Variants in BCAT1 observed in about 807,000 individuals in gnomAD.
BCAT1 encodes the protein branched-chain-amino-acid aminotransferase, cytosolic.
Under a neutral mutation model 52.4 loss-of-function variants are expected in BCAT1, and 48 were observed. The ratio of observed to expected loss-of-function variants is 0.92; its 90% CI spans 0.73 to 1.16. BCAT1 has a LOEUF of 1.16. BCAT1 is among the 50% of genes most tolerant of loss of function. The pLI, the probability that BCAT1 is intolerant of heterozygous loss-of-function variation, is 0.00. For synonymous variants in BCAT1, 167 were observed against 161.3 expected, an observed-to-expected ratio of 1.04 and a Z score of -0.27; for missense variants, 451 against 457.1, an observed-to-expected ratio of 0.99 and a Z score of 0.12.
intron 5 of BCAT1, among the ~76,000 whole-genome samples, chr12:24,851,798 G>A (rs1055537645): frequency 3.5e-4 from 54 of 152,116 alleles, no homozygotes; most frequent in Non-Finnish European, 6.5e-4. Flanking sequence ...ACACACACCC[G>A]CTTTTCTTCC....
chr12:24,934,270 T>G (rs1054224958), intron 1 of BCAT1, among the ~76,000 whole-genome samples: 28 of 152,372 alleles, frequency 1.8e-4, no homozygotes, highest in African/African-American at 6.7e-4. Flanking sequence ...CCATGTAAGA[T>G]GTGCCTTGCT....
At position 24,878,509 on chromosome 12, in the gene BCAT1, A is replaced by G. The variant is rs114040687; in HGVS notation, c.510+21T>C. 2,219 of 1,596,674 alleles carry G rather than the reference A, an allele frequency of 1.4e-3. 25 individuals carry two copies. In the African/African-American group the frequency reaches 0.027, roughly 19 times the overall value. On this transcript the variant is annotated intron_variant, in intron 5 of 10. Coordinates refer to ENST00000261192, the MANE Select transcript of BCAT1 (RefSeq NM_005504.7). The stretch of plus-strand genomic sequence containing the variant: ...ATAACTTGCCCAGCAAAGTACCCCA[A>G]AATAAAGAGTCAGTTTGCACCTCAG...
At chr12:24,881,038 T>C (rs1413881500) in intron 4 of BCAT1, among the ~76,000 whole-genome samples, 1 of 152,200 alleles carries the variant, frequency 6.6e-6, no homozygotes, top group Non-Finnish European at 1.5e-5. Flanking sequence ...TTTCACCATG[T>C]TGGCCAGGCT....
intron 5 of BCAT1, among the ~76,000 whole-genome samples, chr12:24,873,793 G>A (rs931341084): frequency 3.3e-4 from 50 of 152,196 alleles, no homozygotes; most frequent in Non-Finnish European, 7.4e-5. Context: ...CTGAATTTCA[G>A]GTTGTTGTTT....
intron 6 of BCAT1, among the ~76,000 whole-genome samples, chr12:24,844,583 C>T (rs576839862): frequency 6.6e-6 from 1 of 151,748 alleles, no homozygotes; most frequent in Non-Finnish European, 1.5e-5. Flanking sequence ...ATGAGGTTGA[C>T]TCACACCAAG....
intron 10 of BCAT1, among the ~76,000 whole-genome samples, chr12:24,827,418 T>C (rs1389053146): frequency 2.0e-5 from 3 of 152,208 alleles, no homozygotes; most frequent in Admixed American, 6.5e-5. Flanking sequence ...TATTAAGATA[T>C]TCCTTTACTT....
chr12:24,846,274 G>T (rs575201273), intron 6 of BCAT1, among the ~76,000 whole-genome samples: 1 of 152,144 alleles, frequency 6.6e-6, no homozygotes, highest in African/African-American at 2.4e-5. Context: ...TCTGTAGATG[G>T]TCTTTATTCC....
intron 1 of BCAT1, among the ~76,000 whole-genome samples, chr12:24,916,028 A>G (rs1035638219): frequency 6.6e-5 from 10 of 152,234 alleles, no homozygotes; most frequent in Middle Eastern, 3.4e-3. Context: ...GAGTAGCAAC[A>G]CATGCCTGTA....
At chr12:24,936,512 C>A (rs1031899255) in intron 1 of BCAT1, among the ~76,000 whole-genome samples, 2 of 152,178 alleles carry the variant, frequency 1.3e-5, no homozygotes, top group Admixed American at 1.3e-4. Flanking sequence ...GAATTACAGG[C>A]ATGAGCCCAG....
chr12:24,899,948 TACAA>T (rs1943053635), intron 2 of BCAT1, among the ~76,000 whole-genome samples: 2 of 151,906 alleles, frequency 1.3e-5, no homozygotes, highest in Non-Finnish European at 2.9e-5. Flanking sequence ...GGTTAATGAG[TACAA>T]ACATACAGTT....
intron 5 of BCAT1, among the ~76,000 whole-genome samples, chr12:24,866,740 T>C (rs568123663): frequency 6.6e-6 from 1 of 151,946 alleles, no homozygotes; most frequent in East Asian, 1.9e-4. Flanking sequence ...AGTGGGGAGG[T>C]GGAGAACTTT....
intron 9 of BCAT1, among the ~76,000 whole-genome samples, chr12:24,831,102 T>C (rs1009684407): frequency 2.7e-5 from 4 of 150,740 alleles, no homozygotes; most frequent in African/African-American, 7.3e-5. Flanking sequence ...GACCAATCCC[T>C]CCTCCTCCTC....
In BCAT1 at chr12:24,894,401, A is replaced by G. The variant is rs1434731458; in HGVS notation, c.153T>C (p.Thr51=). Residue 51 remains threonine, a synonymous_variant, in exon 3 of 11, where the codon ACT becomes ACC. Transcript: ENST00000261192. ...CCGTCAGCATATGATCCGTGAACAC[A>G]GTTCCAAAAACCAGATTATTGGGGT... ...KPDPNNLVFG[T]VFTDHMLTVE... 1.9e-6 allele frequency: 3 copies of G among 1,613,050 alleles called. No individual in the cohort carries two copies. The highest frequency in any genetic ancestry group is 3.3e-5 in the Admixed American group (2 of 59,884).
chr12:24,843,314 G>T (rs1941228891), intron 6 of BCAT1, among the ~76,000 whole-genome samples: 1 of 150,992 alleles, frequency 6.6e-6, no homozygotes, highest in Non-Finnish European at 1.5e-5. Context: ...AATAAAAGTT[G>T]AGCATGAGGC....
At chr12:24,944,390 C>A (rs754038948) in intron 1 of BCAT1, among the ~76,000 whole-genome samples, 6 of 152,208 alleles carry the variant, frequency 3.9e-5, no homozygotes, top group Non-Finnish European at 7.3e-5. Flanking sequence ...CTGTGACCAT[C>A]CTGTGCAAAT....
At chr12:24,840,004 A>T (rs1336500044) in intron 7 of BCAT1, among the ~76,000 whole-genome samples, 1 of 152,114 alleles carries the variant, frequency 6.6e-6, no homozygotes. Flanking sequence ...AAAGTGAAGG[A>T]GTATATTAAA....
intron 2 of BCAT1, among the ~76,000 whole-genome samples, chr12:24,897,288 C>A (rs1942983211): frequency 6.6e-6 from 1 of 152,132 alleles, no homozygotes; most frequent in Non-Finnish European, 1.5e-5. Context: ...CACAATAACC[C>A]ACTAATCCAG....
intron 1 of BCAT1, among the ~76,000 whole-genome samples, chr12:24,905,604 C>T (rs1161096586): frequency 6.6e-6 from 1 of 152,096 alleles, no homozygotes; most frequent in African/African-American, 2.4e-5. Context: ...AAATTTTTCC[C>T]TACAGTACGG....
rs968778946 is a variant in BCAT1, at chr12:24,866,516, C to T, written c.510+12014G>A. Reference sequence around the variant, plus strand: ...GGCGCGGGACTGGCAGGCAGCTCCACCTGCAGCCCTGGTGCAAGATACACT... The same window carrying T: ...GGCGCGGGACTGGCAGGCAGCTCCATCTGCAGCCCTGGTGCAAGATACACT... On this transcript the variant is annotated intron_variant, in intron 5 of 10. Coordinates refer to ENST00000261192, the MANE Select transcript of BCAT1 (RefSeq NM_005504.7). Among the ~76,000 whole-genome samples, 4 of 152,346 alleles carry T rather than the reference C, an allele frequency of 2.6e-5. No homozygotes were observed. The South Asian group carries it at 8.3e-4, about 32-fold the overall frequency.
Sources: allele counts gnomAD v4.1 joint callset (sites outside exome capture counted in the v4.1 genomes callset), GRCh38; gene constraint gnomAD v4.1.1; transcripts MANE v1.5; gene names NCBI Gene and HGNC (gene_info 2026-07-23, HGNC 2026-07-21).